The following FANK1 variants were observed in gnomAD, a reference collection of about 807,000 sequenced individuals.
The protein encoded by FANK1 is fibronectin type III and ankyrin repeat domains 1, also known as fibronectin type 3 and ankyrin repeat domains protein 1.
In FANK1, 44 loss-of-function variants were observed where a neutral mutation model predicts 45.3. That is an observed-to-expected ratio of 0.97 (90% CI 0.76 to 1.25). FANK1 has a LOEUF of 1.25. Ranked by LOEUF, FANK1 falls within the 50% of genes most tolerant of loss-of-function variation. The pLI is 0.00. For synonymous variants in FANK1, 149 were observed against 152.5 expected (o/e 0.98, Z 0.17); for missense variants, 391 against 424.4 (o/e 0.92, Z 0.69).
At chr10:125,909,519 CTTT>C (rs76190291) in intron 1 of FANK1, among the ~76,000 whole-genome samples, 2 of 135,732 alleles carry the variant, frequency 1.5e-5, no homozygotes, top group African/African-American at 2.7e-5. Flanking sequence ...TCTTCTTTTT[CTTT>C]TTTTTTTTTT....
intron 1 of FANK1, among the ~76,000 whole-genome samples, chr10:125,975,674 GTTCT>G (rs779426043): frequency 3.5e-4 from 54 of 152,158 alleles, no homozygotes; most frequent in Non-Finnish European, 6.2e-4. Context: ...ATGTGTTTAA[GTTCT>G]TTATGGATGC....
chr10:125,956,757 A>C (rs1482884878), intron 1 of FANK1, among the ~76,000 whole-genome samples: 1 of 152,200 alleles, frequency 6.6e-6, no homozygotes, highest in Non-Finnish European at 1.5e-5. Flanking sequence ...ATTTAGGAGA[A>C]TATCCGACAA....
At chr10:125,939,237 T>A (rs970223874) in intron 1 of FANK1, among the ~76,000 whole-genome samples, 1 of 152,202 alleles carries the variant, frequency 6.6e-6, no homozygotes, top group Non-Finnish European at 1.5e-5. Flanking sequence ...AAATGCAGTT[T>A]ATGATTCTTC....
chr10:125,976,786 C>T (rs1479802774), intron 1 of FANK1, among the ~76,000 whole-genome samples: 1 of 152,054 alleles, frequency 6.6e-6, no homozygotes, highest in Non-Finnish European at 1.5e-5. Flanking sequence ...CTATGCCTGG[C>T]TAATTTTTGT....
intron 1 of FANK1, among the ~76,000 whole-genome samples, chr10:125,912,295 A>AG (rs1946078704): frequency 6.6e-6 from 1 of 152,230 alleles, no homozygotes; most frequent in African/African-American, 2.4e-5. Flanking sequence ...ACAAACTGTA[A>AG]CTCAAGTGCT....
chr10:125,960,921 C>T (rs1328756220), intron 1 of FANK1, among the ~76,000 whole-genome samples: 1 of 152,058 alleles, frequency 6.6e-6, no homozygotes, highest in African/African-American at 2.4e-5. Flanking sequence ...ACAAAAGACT[C>T]CCAATAGCCA....
chr10:125,939,950 A>C (rs1343271333), intron 1 of FANK1, among the ~76,000 whole-genome samples: 1 of 148,546 alleles, frequency 6.7e-6, no homozygotes, highest in African/African-American at 2.5e-5. Context: ...TTTTTTTTTG[A>C]GACAGAGTCT....
At chr10:125,955,173 G>A (rs891061694) in intron 1 of FANK1, among the ~76,000 whole-genome samples, 1 of 150,992 alleles carries the variant, frequency 6.6e-6, no homozygotes, top group Non-Finnish European at 1.5e-5. Flanking sequence ...TTACATAGGT[G>A]TCATGGTGGT....
At chr10:126,006,327 T>C (rs1953195813) in intron 7 of FANK1, among the ~76,000 whole-genome samples, 1 of 152,200 alleles carries the variant, frequency 6.6e-6, no homozygotes, top group Admixed American at 6.5e-5. Flanking sequence ...AGTGCCCCCT[T>C]ATAGGAAAAA....
chr10:125,993,516 G>A (rs1952083618), intron 3 of FANK1, among the ~76,000 whole-genome samples: 1 of 152,192 alleles, frequency 6.6e-6, no homozygotes, highest in African/African-American at 2.4e-5. Flanking sequence ...TGGATTCTTA[G>A]CAGGTTCCTT....
intron 1 of FANK1, among the ~76,000 whole-genome samples, chr10:125,932,932 G>A (rs1037669894): frequency 2.0e-5 from 3 of 152,194 alleles, no homozygotes; most frequent in South Asian, 2.1e-4. Context: ...GGATTTTGTC[G>A]AATGCATTTT....
intron 1 of FANK1, among the ~76,000 whole-genome samples, chr10:125,906,283 A>G (rs550504733): frequency 8.5e-4 from 130 of 152,192 alleles, no homozygotes; most frequent in African/African-American, 3.0e-3. Context: ...TGAGAGGCCA[A>G]GGTGGGCCGA....
intron 1 of FANK1, among the ~76,000 whole-genome samples, chr10:125,970,435 G>A (rs542987579): frequency 2.8e-4 from 42 of 152,192 alleles, no homozygotes; most frequent in African/African-American, 8.7e-4. Flanking sequence ...GGTGGTGGCC[G>A]GGCAGAGGCT....
rs200712160 is a variant in FANK1, at chr10:125,907,076, C to G, written c.13+10421C>G. On this transcript the variant is annotated intron_variant, in intron 1 of 10. Coordinates refer to ENST00000368693, the MANE Select transcript of FANK1 (RefSeq NM_145235.5). ...AGGATTAGTGAAATGTATGTAAAGC[C>G]TTTAGCATTTAATAGGTGATCAAAT... Among the ~76,000 whole-genome samples, 4 of 152,276 alleles carry G rather than the reference C, an allele frequency of 2.6e-5. No individual in the cohort carries two copies. The South Asian group carries it at 6.2e-4, about 24-fold the overall frequency.
At chr10:125,953,304 T>C (rs1949372538) in intron 1 of FANK1, among the ~76,000 whole-genome samples, 1 of 152,134 alleles carries the variant, frequency 6.6e-6, no homozygotes, top group Admixed American at 6.5e-5. Flanking sequence ...AGTTGGAACC[T>C]TCAAGAGGCC....
intron 1 of FANK1, among the ~76,000 whole-genome samples, chr10:125,962,688 C>T (rs886800056): frequency 3.3e-5 from 5 of 152,104 alleles, no homozygotes; most frequent in Admixed American, 2.0e-4. Flanking sequence ...TTTATCTTCT[C>T]GAAGACAGTG....
At chr10:125,911,949 A>C (rs936475219) in intron 1 of FANK1, among the ~76,000 whole-genome samples, 27 of 152,204 alleles carry the variant, frequency 1.8e-4, no homozygotes, top group African/African-American at 6.5e-4. Flanking sequence ...TGATAGTTAG[A>C]GGGGAAAAAA....
At chr10:125,978,615 C>T (rs1298674467) in intron 1 of FANK1, among the ~76,000 whole-genome samples, 1 of 152,176 alleles carries the variant, frequency 6.6e-6, no homozygotes. Context: ...TTCGGTAGAG[C>T]AGCTATGCTG....
chr10:125,956,651 A>G (rs1590039159), intron 1 of FANK1, among the ~76,000 whole-genome samples: 1 of 152,326 alleles, frequency 6.6e-6, no homozygotes, highest in East Asian at 1.9e-4. Context: ...AATTAAAATT[A>G]TAGTTTAGTG....
Sources: gnomAD v4.1 joint callset for allele counts (sites outside exome capture counted in the v4.1 genomes callset) on GRCh38, gnomAD v4.1.1 for gene constraint, MANE v1.5 for transcripts, NCBI Gene and HGNC (gene_info 2026-07-23, HGNC 2026-07-21) for gene names.